MTUS2: variants seen among roughly 807,000 people sequenced by gnomAD.
MTUS2 encodes the protein microtubule associated scaffold protein 2.
Under a neutral mutation model 114.1 loss-of-function variants are expected in MTUS2, and 40 were observed. The ratio of observed to expected loss-of-function variants is 0.35; its 90% CI spans 0.27 to 0.46. The LOEUF (loss-of-function observed/expected upper bound fraction) is 0.46, where lower values mean the gene tolerates loss of function less well. Among genes scored for constraint, MTUS2 ranks in the 20% least tolerant of loss-of-function variants. MTUS2 has a pLI of 1.00. For missense variants in MTUS2, 1,679 were observed against 1,705.4 expected (o/e 0.98, Z 0.27); for synonymous variants, 688 against 672.0 (o/e 1.02, Z -0.37).
At chr13:29,441,905 C>A (rs1877909193) in intron 9 of MTUS2, among the ~76,000 whole-genome samples, 1 of 152,040 alleles carries the variant, frequency 6.6e-6, no homozygotes, top group African/African-American at 2.4e-5. Flanking sequence ...TTTTTTTAAT[C>A]AAAAAAATCC....
chr13:28,920,780 G>T (rs1489174719), intron 2 of MTUS2, among the ~76,000 whole-genome samples: 1 of 152,186 alleles, frequency 6.6e-6, no homozygotes, highest in African/African-American at 2.4e-5. Flanking sequence ...AGTCCTTCCT[G>T]CTCTTCCCTT....
At chr13:29,367,879 G>C (rs1310695354) in intron 8 of MTUS2, among the ~76,000 whole-genome samples, 1 of 151,824 alleles carries the variant, frequency 6.6e-6, no homozygotes, top group African/African-American at 2.4e-5. Context: ...TCAAGTCCAG[G>C]GAAAAATAAA....
At chr13:29,281,897 G>A (rs370295114) in intron 6 of MTUS2, 32 bp downstream of exon 6, 45 of 1,540,192 alleles carry the variant, frequency 2.9e-5, no homozygotes, top group Non-Finnish European at 3.6e-5. Context: ...AGGCTCCATG[G>A]TGGAGTGCCC....
intron 2 of MTUS2, among the ~76,000 whole-genome samples, chr13:28,886,874 T>G (rs917456692): frequency 6.6e-6 from 1 of 152,152 alleles, no homozygotes. Context: ...CACAGCAGTT[T>G]AGGATTAGGT....
chr13:29,292,443 A>G (rs1239683004), intron 6 of MTUS2, among the ~76,000 whole-genome samples: 1 of 152,204 alleles, frequency 6.6e-6, no homozygotes, highest in Non-Finnish European at 1.5e-5. Context: ...TTTAATTCAC[A>G]GGCGACTTGG....
intron 5 of MTUS2, among the ~76,000 whole-genome samples, chr13:29,210,285 T>G (rs1895369795): frequency 6.6e-6 from 1 of 152,050 alleles, no homozygotes; most frequent in Admixed American, 6.6e-5. Context: ...TGTGATTTGT[T>G]TTATTTATTT....
At chr13:29,168,389 A>G (rs1410276307) in intron 5 of MTUS2, among the ~76,000 whole-genome samples, 2 of 152,162 alleles carry the variant, frequency 1.3e-5, no homozygotes, top group Non-Finnish European at 2.9e-5. Context: ...ATGGCTCTGT[A>G]CTTACAAAAA....
At chr13:29,032,918 G>A (rs1182443750) in intron 3 of MTUS2, among the ~76,000 whole-genome samples, 1 of 152,002 alleles carries the variant, frequency 6.6e-6, no homozygotes, top group Non-Finnish European at 1.5e-5. Flanking sequence ...GTAACTTAAA[G>A]GAATAGTTTA....
At chr13:29,211,891 A>G (rs190844525) in intron 5 of MTUS2, among the ~76,000 whole-genome samples, 345 of 151,712 alleles carry the variant, frequency 2.3e-3, no homozygotes, top group Admixed American at 4.4e-3. Flanking sequence ...TCTTGGAGCC[A>G]AAGTTCACAG....
intron 3 of MTUS2, among the ~76,000 whole-genome samples, chr13:29,029,556 A>G (rs1886717681): frequency 6.6e-6 from 1 of 152,204 alleles, no homozygotes; most frequent in Admixed American, 6.5e-5. Flanking sequence ...TTCCATGAAG[A>G]GACCTGTCAG....
chr13:29,117,357 C>T (rs1011456158), intron 5 of MTUS2, among the ~76,000 whole-genome samples: 3 of 152,188 alleles, frequency 2.0e-5, no homozygotes, highest in African/African-American at 7.2e-5. Flanking sequence ...ATTCTTATCA[C>T]CTGTGCATGA....
At chr13:28,901,858 A>G (rs1307977600) in intron 2 of MTUS2, among the ~76,000 whole-genome samples, 1 of 152,186 alleles carries the variant, frequency 6.6e-6, no homozygotes, top group East Asian at 1.9e-4. Context: ...ATAAATTTTA[A>G]AATAAGCTTG....
chr13:28,854,535 G>A (rs921651762), intron 2 of MTUS2, among the ~76,000 whole-genome samples: 2 of 152,152 alleles, frequency 1.3e-5, no homozygotes, highest in Non-Finnish European at 2.9e-5. Flanking sequence ...AACACATTGA[G>A]GGAGGGATAG....
intron 2 of MTUS2, among the ~76,000 whole-genome samples, chr13:28,983,121 C>T (rs191009161): frequency 1.3e-5 from 2 of 152,214 alleles, no homozygotes; most frequent in African/African-American, 4.8e-5. Context: ...CCTGCAAATC[C>T]GAGGCAGGGT....
chr13:29,294,308 C>T (rs1198282133), intron 6 of MTUS2, among the ~76,000 whole-genome samples: 1 of 151,884 alleles, frequency 6.6e-6, no homozygotes, highest in Admixed American at 6.6e-5. Context: ...TAATAATTTT[C>T]CAATATCATG....
chr13:29,376,065 A>T (rs184289998), intron 8 of MTUS2, among the ~76,000 whole-genome samples: 2 of 151,816 alleles, frequency 1.3e-5, no homozygotes, highest in Admixed American at 1.3e-4. Context: ...GTGTGTATAT[A>T]TATTTATTTA....
At chr13:29,149,034 T>C (rs1241486527) in intron 5 of MTUS2, among the ~76,000 whole-genome samples, 4 of 152,220 alleles carry the variant, frequency 2.6e-5, no homozygotes, top group Admixed American at 6.5e-5. Context: ...GTATATTCCT[T>C]TGGGTATGTA....
At chr13:28,893,557 A>G (rs893589292) in intron 2 of MTUS2, among the ~76,000 whole-genome samples, 3 of 152,172 alleles carry the variant, frequency 2.0e-5, no homozygotes, top group African/African-American at 7.2e-5. Flanking sequence ...GTACGTTTCT[A>G]TTGGGATTGG....
chr13:29,149,866 G>T (rs556196982), intron 5 of MTUS2, among the ~76,000 whole-genome samples: 1 of 152,176 alleles, frequency 6.6e-6, no homozygotes, highest in South Asian at 2.1e-4. Context: ...CTGTTCCATT[G>T]ATATGTGTGT....
Sources: gnomAD v4.1 joint callset for allele counts (sites outside exome capture counted in the v4.1 genomes callset) on GRCh38, gnomAD v4.1.1 for gene constraint, MANE v1.5 for transcripts, NCBI Gene and HGNC (gene_info 2026-07-23, HGNC 2026-07-21) for gene names.